CADPS: variants seen among roughly 807,000 people sequenced by gnomAD.
CADPS encodes calcium-dependent secretion activator 1.
In CADPS, 57 loss-of-function variants were observed where a neutral mutation model predicts 167.3. That is an observed-to-expected ratio of 0.34 (90% CI 0.28 to 0.42). The LOEUF (loss-of-function observed/expected upper bound fraction) is 0.42, where lower values mean the gene tolerates loss of function less well. CADPS is among the 20% of genes least tolerant of loss of function. The pLI, the probability that CADPS is intolerant of heterozygous loss-of-function variation, is 1.00. For missense variants in CADPS, 1,414 were observed against 1,738.1 expected (o/e 0.81, Z 3.32); for synonymous variants, 676 against 635.3 (o/e 1.06, Z -0.96).
intron 6 of CADPS, among the ~76,000 whole-genome samples, chr3:62,610,881 A>AG (rs747889379): frequency 2.1e-5 from 3 of 139,616 alleles, no homozygotes; most frequent in Non-Finnish European, 4.7e-5. Flanking sequence ...CTTAATTGGG[A>AG]GGGGGGTGTG....
In CADPS at chr3:62,860,691, C is replaced by T. The variant is rs192374792; in HGVS notation, c.441+13898G>A. Among the ~76,000 whole-genome samples, 421 of 152,288 alleles carry T rather than the reference C, an allele frequency of 2.8e-3. 2 individuals are homozygous for T. The highest frequency in any genetic ancestry group is 9.2e-3 in the African/African-American group (381 of 41,562). Reference sequence around the variant, plus strand: ...TGCCCAGATCCAAATCTTACCACCTCTATTAACACATAAAAGATAGAAAAG... The same window carrying T: ...TGCCCAGATCCAAATCTTACCACCTTTATTAACACATAAAAGATAGAAAAG... On this transcript the variant is annotated intron_variant, in intron 1 of 29. Coordinates refer to ENST00000383710, the MANE Select transcript of CADPS (RefSeq NM_003716.4).
chr3:62,630,666 A>G (rs1448534907), intron 6 of CADPS, among the ~76,000 whole-genome samples: 1 of 152,162 alleles, frequency 6.6e-6, no homozygotes, highest in Non-Finnish European at 1.5e-5. Context: ...TTTTAAAGTA[A>G]GTATTCCTAT....
At position 62,446,290 on chromosome 3, in the gene CADPS, G is replaced by A. The variant is rs2057210709; in HGVS notation, c.3637-493C>T. On this transcript the variant is annotated intron_variant, in intron 26 of 29. Coordinates refer to ENST00000383710, the MANE Select transcript of CADPS (RefSeq NM_003716.4). The surrounding 1 kb of genome is among the most constrained non-coding windows in gnomAD (Gnocchi z 4.9). ...AACCCAGAGGGAGATGGTGTCTGCGGGTAGGGGGATGAGAACCTTTCAAAA... is the reference window on the plus strand; with the variant it reads ...AACCCAGAGGGAGATGGTGTCTGCGAGTAGGGGGATGAGAACCTTTCAAAA... Among the ~76,000 whole-genome samples, 1 of 152,164 alleles carries A rather than the reference G, an allele frequency of 6.6e-6. No homozygotes were observed. Among genetic ancestry groups the A allele is most frequent in the African/African-American group, 2.4e-5 (1 of 41,448 alleles).
chr3:62,737,285 C>T (rs753391059), intron 3 of CADPS, among the ~76,000 whole-genome samples: 15 of 151,856 alleles, frequency 9.9e-5, no homozygotes, highest in African/African-American at 2.7e-4. Context: ...CCACTGTCTA[C>T]AAAAATTAAA....
Position 62,492,343 on chromosome 3 carries a change from G to A in CADPS, c.2831C>T (p.Thr944Ile). ...CTGAAATAGTGGAAAACTGTCCCAT[G>A]TGTCTGGAGGTTGCACCTCTAAGGC... ...DAALEVQPPD[T>I]WDSFPLFQLL... Residue 944 changes from threonine (T) to isoleucine (I), a missense_variant, in exon 20 of 30, where the codon ACA (threonine) becomes ATA (isoleucine). Transcript: ENST00000383710. The A allele has an allele frequency of 6.2e-7, 1 of 1,614,066 alleles. No homozygotes were observed. The highest frequency in any genetic ancestry group is 8.5e-7 in the Non-Finnish European group (1 of 1,179,916).
chr3:62,659,994 G>A (rs888534212), intron 4 of CADPS, among the ~76,000 whole-genome samples: 2 of 152,132 alleles, frequency 1.3e-5, no homozygotes, highest in Admixed American at 6.5e-5. Context: ...CTACTTCATT[G>A]TCTAAGAATG....
intron 3 of CADPS, among the ~76,000 whole-genome samples, chr3:62,740,711 C>T (rs2080032199): frequency 6.6e-6 from 1 of 152,170 alleles, no homozygotes; most frequent in Admixed American, 6.5e-5. Context: ...CCTACTACCC[C>T]TATCACCATG....
intron 10 of CADPS, among the ~76,000 whole-genome samples, chr3:62,556,908 G>C (rs1562108376): frequency 6.6e-6 from 1 of 151,350 alleles, no homozygotes; most frequent in Non-Finnish European, 1.5e-5. Flanking sequence ...ATGATCTCTT[G>C]AATTGTAGCT....
rs369874258 is a variant in CADPS at position 62,649,543 on chromosome 3, CTTTTTTTTTTTT to C, written c.1203+1292_1203+1303del. Among the ~76,000 whole-genome samples the C allele has an allele frequency of 8.7e-4, 33 of 37,802 alleles. No homozygotes were observed. The East Asian group carries it at 0.011, about 13-fold the overall frequency. The allele number at this position is 37,802 out of a possible 152,430, so 24.8% of individuals were successfully genotyped here. ...TCAAGGGAATCATACAATATGTGGT[CTTTTTTTTTTTT>C]TTTTTTTTTTTTTTTTTTTTTTAAA... is the stretch of plus-strand genomic sequence containing the variant. On this transcript the variant is annotated intron_variant, in intron 5 of 29. Coordinates refer to ENST00000383710, the MANE Select transcript of CADPS (RefSeq NM_003716.4).
At chr3:62,591,467 A>G (rs2086010915) in intron 7 of CADPS, among the ~76,000 whole-genome samples, 1 of 152,148 alleles carries the variant, frequency 6.6e-6, no homozygotes, top group Non-Finnish European at 1.5e-5. Flanking sequence ...ACAGATAGAA[A>G]GTCCCCTGAG....
At chr3:62,804,391 C>A (rs541911570) in intron 1 of CADPS, among the ~76,000 whole-genome samples, 1 of 151,866 alleles carries the variant, frequency 6.6e-6, no homozygotes, top group Non-Finnish European at 1.5e-5. Context: ...TTGCCAGGGG[C>A]GATTCTGGGT....
rs978027346 is a variant in CADPS at position 62,874,382 on chromosome 3, C to T, written c.441+207G>A. On this transcript the variant is annotated intron_variant, in intron 1 of 29. Transcript: ENST00000383710. This position sits in a 1 kb window ranked among gnomAD's most constrained non-coding sequence, Gnocchi z 7.1. ...TGCGCTCCGCGGCCCTCGCCGGTCC[C>T]AGTCAGCTCCAGGAGCGCTCCAGGC... Among the ~76,000 whole-genome samples, 3 of 152,172 alleles carry T rather than the reference C, an allele frequency of 2.0e-5. No individual in the cohort carries two copies. Among genetic ancestry groups the T allele is most frequent in the African/African-American group, 7.2e-5 (3 of 41,466 alleles).
At chr3:62,445,295 G>A (rs1553750234) in intron 27 of CADPS, among the ~76,000 whole-genome samples, 1 of 151,820 alleles carries the variant, frequency 6.6e-6, no homozygotes, top group Non-Finnish European at 1.5e-5. Context: ...GAATTTATTT[G>A]TTTTTTTTAT....
intron 1 of CADPS, among the ~76,000 whole-genome samples, chr3:62,843,949 C>G (rs1278868621): frequency 6.6e-6 from 1 of 152,162 alleles, no homozygotes. Context: ...TGAGACATTA[C>G]CCTAAGGCTC....
chr3:62,458,083 A>T lies in CADPS; in HGVS notation c.3636+7284T>A, dbSNP rs939366634. Among the ~76,000 whole-genome samples, 2 of 152,128 alleles carry T rather than the reference A, an allele frequency of 1.3e-5. No homozygotes were observed. Among genetic ancestry groups the T allele is most frequent in the Non-Finnish European group, 2.9e-5 (2 of 67,960 alleles). On this transcript the variant is annotated intron_variant, in intron 26 of 29. Coordinates refer to ENST00000383710, the MANE Select transcript of CADPS (RefSeq NM_003716.4). The surrounding 1 kb of genome is among the most constrained non-coding windows in gnomAD (Gnocchi z 4.6). ...TATCCCAGAACTTGAAGTATAATTT[A>T]AAAAAAAATTTTTAAAAAAGCACCA...
chr3:62,769,712 G>T (rs1324720585), intron 1 of CADPS, among the ~76,000 whole-genome samples: 1 of 152,062 alleles, frequency 6.6e-6, no homozygotes. Flanking sequence ...TTTATGTGGC[G>T]AAGTAGTTAT....
Position 62,874,458 on chromosome 3 carries a change from G to C in CADPS, c.441+131C>G. 2 of 687,656 alleles carry C rather than the reference G, an allele frequency of 2.9e-6. No individual in the cohort carries two copies. The highest frequency in any genetic ancestry group is 1.9e-5 in the South Asian group (1 of 53,604). 42.6% of individuals were successfully genotyped at this position (687,656 alleles called of 1,614,324 possible). On this transcript the variant is annotated intron_variant, in intron 1 of 29. Coordinates refer to ENST00000383710, the MANE Select transcript of CADPS (RefSeq NM_003716.4). This position sits in a 1 kb window ranked among gnomAD's most constrained non-coding sequence, Gnocchi z 7.1. ...CCGGCCGCTGGGAGGGGGCCTCGTA[G>C]CCCTTTCCCCAGGGCGCGGTCTCCA...
chr3:62,767,649 G>C (rs1263124237), intron 1 of CADPS, among the ~76,000 whole-genome samples: 5 of 152,102 alleles, frequency 3.3e-5, no homozygotes, highest in African/African-American at 1.2e-4. Flanking sequence ...ATTAATTTTT[G>C]TATCTTTGGA....
rs556564331 is a variant in CADPS at position 62,729,589 on chromosome 3, A to G, written c.888+23852T>C. Among the ~76,000 whole-genome samples, 128 of 152,040 alleles carry G rather than the reference A, an allele frequency of 8.4e-4. 2 individuals are homozygous for G. Among genetic ancestry groups the G allele is most frequent in the African/African-American group, 3.0e-3 (122 of 41,306 alleles). On this transcript the variant is annotated intron_variant, in intron 3 of 29. Transcript: ENST00000383710. Reference sequence around the variant, plus strand: ...AAGTTACTTAAGCATTTTGCATCTCAATTTCACAATCTTTAAAATGAAAAG... The same window carrying G: ...AAGTTACTTAAGCATTTTGCATCTCGATTTCACAATCTTTAAAATGAAAAG...
Sources: allele counts gnomAD v4.1 joint callset (sites outside exome capture counted in the v4.1 genomes callset), GRCh38; gene constraint gnomAD v4.1.1; non-coding constraint Gnocchi (gnomAD v3.1); transcripts MANE v1.5; gene names NCBI Gene and HGNC (gene_info 2026-07-23, HGNC 2026-07-21).